Variants in PDXDC1 observed in about 807,000 individuals in gnomAD.
PDXDC1 encodes the protein pyridoxal-dependent decarboxylase domain-containing protein 1.
In PDXDC1, 42 loss-of-function variants were observed where a neutral mutation model predicts 100.1. The ratio of observed to expected loss-of-function variants is 0.42; its 90% CI spans 0.33 to 0.54. The LOEUF is 0.54. PDXDC1 is among the 20% of genes least tolerant of loss of function. PDXDC1 has a pLI of 0.10. For synonymous variants in PDXDC1, 260 were observed against 371.7 expected (o/e 0.70, Z 3.46); for missense variants, 636 against 979.2 (o/e 0.65, Z 4.68).
intron 16 of PDXDC1, chr16:15,135,220 T>G (rs1040445258): frequency 1.3e-6 from 1 of 770,986 alleles, no homozygotes; most frequent in Admixed American, 2.5e-5. Flanking sequence ...CGGAAAACAG[T>G]AGATGAGCAG....
In PDXDC1 at chr16:15,001,691, C is replaced by T. The variant is rs187112795; in HGVS notation, c.162-85C>T. ...GAAAGAAAAAAAAAACTTGAAGCAA[C>T]GCTAGTTGAATGAGGGAAGTAGCGG... On this transcript the variant is annotated intron_variant, in intron 3 of 22. Coordinates refer to ENST00000396410, the MANE Select transcript of PDXDC1 (RefSeq NM_015027.4). 53 of 1,203,490 alleles carry T rather than the reference C, an allele frequency of 4.4e-5. No individual in the cohort carries two copies. The Admixed American group carries it at 6.8e-4, about 15-fold the overall frequency. 74.6% of individuals were successfully genotyped at this position (1,203,490 alleles called of 1,614,324 possible).
At chr16:14,980,684 C>T (rs1967767110) in intron 1 of PDXDC1, among the ~76,000 whole-genome samples, 1 of 152,258 alleles carries the variant, frequency 6.6e-6, no homozygotes, top group African/African-American at 2.4e-5. Flanking sequence ...CAAGTGTTAG[C>T]CAGGATGGTC....
At chr16:15,058,778 G>C (rs1011689363) in intron 16 of PDXDC1, among the ~76,000 whole-genome samples, 1 of 152,150 alleles carries the variant, frequency 6.6e-6, no homozygotes, top group African/African-American at 2.4e-5. Flanking sequence ...TAAATATTTA[G>C]TGAAAGGATC....
At chr16:15,150,364 A>C in the PDXDC1 span, among the ~76,000 whole-genome samples, 1 of 149,916 alleles carries the variant, frequency 6.7e-6, no homozygotes, top group South Asian at 2.1e-4. Context: ...TAAATAAATA[A>C]ATAAATAAAT....
At chr16:15,048,327 G>C (rs2044160732) in intron 16 of PDXDC1, among the ~76,000 whole-genome samples, 1 of 152,154 alleles carries the variant, frequency 6.6e-6, no homozygotes, top group Non-Finnish European at 1.5e-5. Context: ...CTATGAAATC[G>C]GATGTCATAG....
chr16:14,987,895 A>AGCC, intron 1 of PDXDC1, among the ~76,000 whole-genome samples: 2 of 151,214 alleles, frequency 1.3e-5, no homozygotes, highest in Admixed American at 1.3e-4. Context: ...TACAGGTGTG[A>AGCC]GCCACTGCGC....
downstream of PDXDC1, among the ~76,000 whole-genome samples, chr16:15,141,967 G>A (rs1416768856): frequency 6.6e-6 from 1 of 152,166 alleles, no homozygotes; most frequent in African/African-American, 2.4e-5. Context: ...AGGACCTGAG[G>A]CGCAGCAGCC....
At chr16:15,083,396 C>G in intron 16 of PDXDC1, 1 of 1,480,132 alleles carries the variant, frequency 6.8e-7, no homozygotes, top group Non-Finnish European at 9.1e-7. Context: ...GAGACTCGGT[C>G]TCAAAAAAGA....
intron 1 of PDXDC1, among the ~76,000 whole-genome samples, chr16:14,991,900 AT>A (rs1970936623): frequency 6.6e-6 from 1 of 152,284 alleles, no homozygotes; most frequent in South Asian, 2.1e-4. Context: ...AGAGAACAGT[AT>A]GTTGATATCC....
intron 13 of PDXDC1, among the ~76,000 whole-genome samples, chr16:15,023,661 G>GA (rs900929855): frequency 5.7e-4 from 86 of 152,146 alleles, no homozygotes; most frequent in East Asian, 1.9e-3. Context: ...TCTCAAGGAA[G>GA]AAAAAAAAAT....
intron 1 of PDXDC1, among the ~76,000 whole-genome samples, chr16:14,983,572 CAAAAAAAAAAAAAAA>C (rs56258905): frequency 2.3e-5 from 2 of 88,408 alleles, no homozygotes; most frequent in Non-Finnish European, 3.8e-5. Context: ...GACTCCGTCT[CAAAAAAAAAAAAAAA>C]AAAAAAAAAA....
At chr16:15,066,250 T>C (rs1199853023) in intron 16 of PDXDC1, among the ~76,000 whole-genome samples, 1 of 152,096 alleles carries the variant, frequency 6.6e-6, no homozygotes, top group African/African-American at 2.4e-5. Context: ...AAGATCTGCA[T>C]CTCCTACAAC....
downstream of PDXDC1, among the ~76,000 whole-genome samples, chr16:15,139,956 C>T (rs1042218210): frequency 4.0e-5 from 6 of 151,568 alleles, no homozygotes; most frequent in Admixed American, 1.3e-4. Context: ...ATTAGGTGGG[C>T]GTGGTGGCGG....
intron 16 of PDXDC1, chr16:15,086,291 G>C (rs777864126): frequency 3.2e-6 from 5 of 1,580,872 alleles, no homozygotes; most frequent in Non-Finnish European, 4.3e-6. Context: ...AAAGCAGCAT[G>C]TTATTAATAT....
chr16:15,031,766 G>T lies in PDXDC1; in HGVS notation c.1431G>T (p.Gln477His), dbSNP rs1372198260. 1.2e-6 allele frequency: 2 copies of T among 1,613,650 alleles called. No homozygotes were observed. Among genetic ancestry groups the T allele is most frequent in the South Asian group, 2.2e-5 (2 of 91,074 alleles). Reference sequence around the variant, plus strand: ...GAACTCGGGGAGAGGATGTGGATCAGCTCGTAGCCTGCATAGAAAGCAAAC... The same window carrying T: ...GAACTCGGGGAGAGGATGTGGATCATCTCGTAGCCTGCATAGAAAGCAAAC... The part of the protein sequence containing the change: ...VLGTRGEDVD[Q>H]LVACIESKLP... Residue 477 changes from glutamine to histidine, a missense_variant, in exon 17 of 23, where the codon CAG becomes CAT. By Grantham distance (24) the Gln-to-His change is conservative. Transcript: ENST00000396410.
At chr16:15,143,382 C>T (rs866618031), downstream of PDXDC1, among the ~76,000 whole-genome samples, 1 of 152,220 alleles carries the variant, frequency 6.6e-6, no homozygotes, top group African/African-American at 2.4e-5. Flanking sequence ...GGTGGGGCCA[C>T]GTCCCAGGGC....
chr16:15,145,060 G>A, the PDXDC1 span, among the ~76,000 whole-genome samples: 1 of 152,170 alleles, frequency 6.6e-6, no homozygotes, highest in Non-Finnish European at 1.5e-5. Flanking sequence ...TTATGCTCCT[G>A]ATGGGCACAG....
chr16:15,049,966 G>C (rs2044233588), intron 16 of PDXDC1, among the ~76,000 whole-genome samples: 1 of 152,168 alleles, frequency 6.6e-6, no homozygotes. Context: ...GAAAAATACT[G>C]GAAGGAAATT....
chr16:15,014,206 CAA>C (rs199890384), intron 8 of PDXDC1, among the ~76,000 whole-genome samples: 108 of 144,246 alleles, frequency 7.5e-4, no homozygotes, highest in Admixed American at 9.0e-4. Flanking sequence ...GACTCTGTCT[CAA>C]AAAAAAAAAA....
Sources: gnomAD v4.1 joint callset for allele counts (sites outside exome capture counted in the v4.1 genomes callset) on GRCh38, gnomAD v4.1.1 for gene constraint, MANE v1.5 for transcripts, NCBI Gene and HGNC (gene_info 2026-07-23, HGNC 2026-07-21) for gene names.